Variants in FAP observed in about 807,000 individuals in gnomAD.
FAP encodes prolyl endopeptidase FAP.
FAP carries 110 observed loss-of-function variants against 126.5 expected under a neutral mutation model. The observed-to-expected ratio is 0.87, with a 90% CI of 0.74 to 1.02. The LOEUF (loss-of-function observed/expected upper bound fraction) is 1.02. Ranked by LOEUF, FAP falls within the 50% of genes least tolerant of loss-of-function variation. The pLI, the probability that FAP is intolerant of heterozygous loss-of-function variation, is 0.00. For missense variants in FAP, 919 were observed against 909.2 expected (o/e 1.01, Z -0.14); for synonymous variants, 334 against 297.3 (o/e 1.12, Z -1.27).
intron 9 of FAP, among the ~76,000 whole-genome samples, chr2:162,217,019 C>G (rs773672631): frequency 1.3e-5 from 2 of 152,216 alleles, no homozygotes; most frequent in Non-Finnish European, 2.9e-5. Flanking sequence ...TGGGTTCCCC[C>G]AAAATGTGAG....
chr2:162,220,486 G>T (rs1689344019), intron 6 of FAP, among the ~76,000 whole-genome samples: 1 of 152,200 alleles, frequency 6.6e-6, no homozygotes, highest in Admixed American at 6.5e-5. Context: ...CTCTGTGAAT[G>T]CATATGCATT....
intron 2 of FAP, among the ~76,000 whole-genome samples, chr2:162,236,828 C>G (rs1260383507): frequency 6.6e-6 from 1 of 152,098 alleles, no homozygotes; most frequent in African/African-American, 2.4e-5. Flanking sequence ...GTCTTGAACT[C>G]CTGGCCTCAA....
At chr2:162,196,833 A>T (rs1173003057) in intron 16 of FAP, among the ~76,000 whole-genome samples, 3 of 152,204 alleles carry the variant, frequency 2.0e-5, no homozygotes, top group Admixed American at 2.0e-4. Flanking sequence ...ACACCAGACG[A>T]TGTGATGCTT....
At chr2:162,220,404 C>T (rs1431765369) in intron 6 of FAP, among the ~76,000 whole-genome samples, 1 of 152,182 alleles carries the variant, frequency 6.6e-6, no homozygotes, top group Non-Finnish European at 1.5e-5. Flanking sequence ...GAAGTGCCTT[C>T]CAGCTCTGAA....
rs61641333 is a variant in FAP at position 162,226,796 on chromosome 2, T to C, written c.92-175A>G. Among the ~76,000 whole-genome samples, 5,265 of 152,266 alleles carry C rather than the reference T, an allele frequency of 0.035. 321 individuals are homozygous for C. The highest frequency in any genetic ancestry group is 0.12 in the African/African-American group (5,002 of 41,548). On this transcript the variant is annotated intron_variant, in intron 2 of 25. Coordinates refer to ENST00000188790, the MANE Select transcript of FAP (RefSeq NM_004460.5). ...ATTATTAATAGTAGTATCTCCTTTT[T>C]TGTAGATACAGTAATTAAGAATTAG...
rs1687924255 is a variant in FAP at position 162,188,341 on chromosome 2, T to G, written c.1642A>C (p.Ser548Arg). Residue 548 changes from serine to arginine, a missense_variant, in exon 20 of 26, where the codon AGT becomes CGT. Transcript: ENST00000188790. ...TTAACAGCAAATACAGACCTTACAC[T>G]CTGACTGCAGGGACCACCATACCTA... ...IQVYGGPCSQ[S>R]VRSVFAVNWI... 1 of 1,612,856 alleles carries G rather than the reference T, an allele frequency of 6.2e-7. No homozygotes were observed. Among genetic ancestry groups the G allele is most frequent in the African/African-American group, 1.3e-5 (1 of 74,798 alleles).
chr2:162,173,126 TA>T, intron 24 of FAP, 22 bp downstream of exon 24: 1 of 1,596,608 alleles, frequency 6.3e-7, no homozygotes, highest in Non-Finnish European at 8.6e-7. Flanking sequence ...TTTTTATGTG[TA>T]AGAGTCTTGC....
rs138027458 is a variant in FAP, at chr2:162,186,463, C to T, written c.1814+1706G>A. On this transcript the variant is annotated intron_variant, in intron 20 of 25. Transcript: ENST00000188790. ...ATGGCTCAGGTTTAAATTTTCATTT[C>T]ATCCAAGGAAAATATTAAGAAGCTA... Among the ~76,000 whole-genome samples the T allele has an allele frequency of 1.0e-3, 158 of 152,160 alleles. 1 individual carries two copies. The highest frequency in any genetic ancestry group is 3.3e-3 in the African/African-American group (137 of 41,518).
intron 12 of FAP, among the ~76,000 whole-genome samples, chr2:162,203,797 C>G (rs1373261570): frequency 3.3e-5 from 5 of 152,148 alleles, no homozygotes; most frequent in Non-Finnish European, 7.3e-5. Flanking sequence ...CAATTAACTA[C>G]CTAAGGTACG....
At chr2:162,195,052 G>T in intron 16 of FAP, 1 of 377,176 alleles carries the variant, frequency 2.7e-6, no homozygotes, top group Non-Finnish European at 5.0e-6. Context: ...AGTGACAAAT[G>T]GCCTTCTGGG....
chr2:162,242,919 C>G lies in FAP; in HGVS notation c.80G>C (p.Arg27Pro), dbSNP rs145562225. The change falls in exon 2 of 26, where the codon CGC becomes CCC. Residue 27 changes from arginine to proline, a missense_variant. Physicochemically the swap from Arg to Pro is moderately radical, Grantham distance 103. Coordinates refer to ENST00000188790, the MANE Select transcript of FAP (RefSeq NM_004460.5). ...GAGAAAGTTCTTACCTCTTGAAGGGCGTAAGACAATGCACATCACCAATAA... is the reference window on the plus strand; with the variant it reads ...GAGAAAGTTCTTACCTCTTGAAGGGGGTAAGACAATGCACATCACCAATAA... ...LALLVMCIVL[R>P]PSRVHNSEEN... The G allele has an allele frequency of 2.5e-5, 41 of 1,612,378 alleles. No homozygotes were observed. Among genetic ancestry groups the G allele is most frequent in the Non-Finnish European group, 3.3e-5 (39 of 1,178,828 alleles).
At chr2:162,216,645 C>T (rs1689170795) in intron 9 of FAP, among the ~76,000 whole-genome samples, 1 of 152,162 alleles carries the variant, frequency 6.6e-6, no homozygotes, top group Non-Finnish European at 1.5e-5. Flanking sequence ...TAGACAGTTT[C>T]TTAGAGTTCC....
At chr2:162,200,944 T>C (rs549918236) in intron 14 of FAP, among the ~76,000 whole-genome samples, 1 of 152,304 alleles carries the variant, frequency 6.6e-6, no homozygotes, top group South Asian at 2.1e-4. Context: ...GTTTACCTGT[T>C]TCTCTGTACT....
chr2:162,202,154 T>C (rs537135795), intron 14 of FAP, among the ~76,000 whole-genome samples: 3 of 152,330 alleles, frequency 2.0e-5, no homozygotes, highest in East Asian at 1.9e-4. Context: ...GTATTAGAAA[T>C]TATAGAAAGA....
At chr2:162,235,979 A>G (rs1690113581) in intron 2 of FAP, among the ~76,000 whole-genome samples, 1 of 152,202 alleles carries the variant, frequency 6.6e-6, no homozygotes, top group African/African-American at 2.4e-5. Context: ...AGGTTGGGGA[A>G]TTCCTTCTAC....
rs1488666696 is a variant in FAP, at chr2:162,215,958, G to T, written c.806C>A (p.Thr269Asn). ...NPVVRIFIID[T>N]TYPAYVGPQE... is the part of the protein sequence containing the mutation. ...GGGACCTACATACGCAGGGTAAGTG[G>T]TATCGATAATAAATATCCGAACAAC... The change falls in exon 10 of 26, where the codon ACC becomes AAC. Residue 269 changes from threonine to asparagine, a missense_variant. Transcript: ENST00000188790. The T allele has an allele frequency of 3.7e-6, 6 of 1,614,034 alleles. No individual in the cohort carries two copies. In the East Asian group the frequency reaches 1.3e-4, roughly 36 times the overall value.
At chr2:162,224,005 C>G (rs1689525464) in intron 5 of FAP, among the ~76,000 whole-genome samples, 1 of 152,028 alleles carries the variant, frequency 6.6e-6, no homozygotes, top group South Asian at 2.1e-4. Flanking sequence ...GAAGTAAAAC[C>G]ACAATGATTT....
At chr2:162,178,932 A>T (rs1437973703) in intron 21 of FAP, among the ~76,000 whole-genome samples, 1 of 152,166 alleles carries the variant, frequency 6.6e-6, no homozygotes, top group Non-Finnish European at 1.5e-5. Context: ...TATATTGTAT[A>T]AGAGCACACA....
intron 21 of FAP, among the ~76,000 whole-genome samples, chr2:162,179,776 ATCTATCTATCTATC>A (rs1281533769): frequency 9.9e-5 from 7 of 70,528 alleles, no homozygotes; most frequent in African/African-American, 3.2e-4. Flanking sequence ...CTATCTATCT[ATCTATCTATCTATC>A]TATATATATA....
Sources: gnomAD v4.1 joint callset for allele counts (sites outside exome capture counted in the v4.1 genomes callset) on GRCh38, gnomAD v4.1.1 for gene constraint, MANE v1.5 for transcripts, NCBI Gene and HGNC (gene_info 2026-07-23, HGNC 2026-07-21) for gene names.